The following SLC7A11 variants were observed in gnomAD, a reference collection of about 807,000 sequenced individuals.
SLC7A11 encodes solute carrier family 7 member 11.
A neutral mutation model predicts 54.5 loss-of-function variants in SLC7A11; 35 were observed. That is an observed-to-expected ratio of 0.64 (90% CI 0.49 to 0.85). SLC7A11 has a LOEUF of 0.85. SLC7A11 is among the 40% of genes least tolerant of loss of function. SLC7A11 has a pLI of 0.00. For synonymous variants in SLC7A11, 230 were observed against 225.2 expected (o/e 1.02, Z -0.19); for missense variants, 583 against 618.1 (o/e 0.94, Z 0.60).
chr4:138,173,718 A>C (rs746873666), intron 11 of SLC7A11, among the ~76,000 whole-genome samples: 2 of 151,964 alleles, frequency 1.3e-5, no homozygotes, highest in Non-Finnish European at 2.9e-5. Context: ...TTTACAGTCT[A>C]TATTAATTGT....
intron 1 of SLC7A11, 89 bp from the exon 2 acceptor site, chr4:138,236,540 G>C: frequency 1.6e-6 from 2 of 1,262,748 alleles, no homozygotes; most frequent in South Asian, 3.0e-5. Context: ...TTTATATGTT[G>C]CCTGAGATGT....
intron 5 of SLC7A11, among the ~76,000 whole-genome samples, chr4:138,217,574 G>T (rs1737708843): frequency 6.6e-6 from 1 of 152,184 alleles, no homozygotes; most frequent in South Asian, 2.1e-4. Context: ...GAGGGTAAAA[G>T]AATATTTTAA....
intron 11 of SLC7A11, among the ~76,000 whole-genome samples, chr4:138,172,724 C>CT (rs1326557748): frequency 6.6e-6 from 1 of 152,188 alleles, no homozygotes; most frequent in Non-Finnish European, 1.5e-5. Context: ...AGAAGGAAGT[C>CT]TACCTTTTTT....
chr4:138,189,423 A>G (rs6537201), intron 6 of SLC7A11, among the ~76,000 whole-genome samples: 122,413 of 152,024 alleles, frequency 0.81, 50,501 homozygotes, highest in East Asian at 0.95. Context: ...CCAAGGTCAC[A>G]AAAGTAGTAA....
intron 6 of SLC7A11, 93 bp from the exon 7 acceptor site, chr4:138,185,337 T>C: frequency 7.3e-7 from 1 of 1,366,134 alleles, no homozygotes; most frequent in East Asian, 2.3e-5. Flanking sequence ...ATGAAGAATA[T>C]AATGGTATCT....
intron 1 of SLC7A11, among the ~76,000 whole-genome samples, chr4:138,237,724 TATA>T (rs1738257397): frequency 9.6e-5 from 1 of 10,396 alleles, no homozygotes; most frequent in African/African-American, 3.4e-4. Flanking sequence ...TATATATATA[TATA>T]TATATATATA....
chr4:138,173,480 C>G (rs1560715003), intron 11 of SLC7A11, among the ~76,000 whole-genome samples: 1 of 151,710 alleles, frequency 6.6e-6, no homozygotes, highest in Non-Finnish European at 1.5e-5. Context: ...ACTAAAAATA[C>G]AAAATAAGCT....
chr4:138,214,039 T>C (rs191240211), intron 6 of SLC7A11, among the ~76,000 whole-genome samples: 2 of 152,238 alleles, frequency 1.3e-5, no homozygotes, highest in African/African-American at 4.8e-5. Context: ...CATCAAATCA[T>C]CTACTTATCA....
At chr4:138,227,588 G>A (rs1461316646) in intron 3 of SLC7A11, among the ~76,000 whole-genome samples, 2 of 152,142 alleles carry the variant, frequency 1.3e-5, no homozygotes, top group Admixed American at 6.5e-5. Context: ...TGAGACTCAA[G>A]ATATTGTTTA....
At chr4:138,180,583 G>A in intron 10 of SLC7A11, 58 bp downstream of exon 10, 2 of 1,534,824 alleles carry the variant, frequency 1.3e-6, no homozygotes, top group Non-Finnish European at 1.8e-6. Flanking sequence ...TATGACAAAG[G>A]GAGGACTAGG....
At chr4:138,231,900 T>G (rs2148452844) in intron 3 of SLC7A11, among the ~76,000 whole-genome samples, 1 of 152,290 alleles carries the variant, frequency 6.6e-6, no homozygotes, top group African/African-American at 2.4e-5. Context: ...TACATAAAGG[T>G]AACTCCATGA....
Position 138,166,814 on chromosome 4 carries a change from A to G in SLC7A11, c.*5142T>C, listed in dbSNP as rs1339096240. 1 of 152,180 alleles carries G rather than the reference A, an allele frequency of 6.6e-6. No individual in the cohort carries two copies. The highest frequency in any genetic ancestry group is 2.4e-5 in the African/African-American group (1 of 41,440). 9.4% of individuals were successfully genotyped at this position (152,180 alleles called of 1,614,324 possible). ...GAGAGGAGGGAAAAAAATAACTACCAAGAAAATAAAACTAATGGGTAGATT... is the reference window on the plus strand; with the variant it reads ...GAGAGGAGGGAAAAAAATAACTACCGAGAAAATAAAACTAATGGGTAGATT... On this transcript the variant is annotated 3_prime_UTR_variant, in exon 12 of 12. Coordinates refer to ENST00000280612, the MANE Select transcript of SLC7A11 (RefSeq NM_014331.4).
At chr4:138,186,114 G>A (rs745340012) in intron 6 of SLC7A11, among the ~76,000 whole-genome samples, 5 of 152,130 alleles carry the variant, frequency 3.3e-5, no homozygotes, top group Non-Finnish European at 4.4e-5. Flanking sequence ...AAGCCAGGAA[G>A]TTACTGACCC....
At chr4:138,184,955 A>G (rs1035631350) in intron 7 of SLC7A11, among the ~76,000 whole-genome samples, 166 bp downstream of exon 7, 4 of 152,200 alleles carry the variant, frequency 2.6e-5, no homozygotes, top group African/African-American at 9.6e-5. Flanking sequence ...TATCAGTTAA[A>G]TGGAATATGC....
intron 11 of SLC7A11, among the ~76,000 whole-genome samples, chr4:138,178,964 A>T (rs567844730): frequency 6.6e-6 from 1 of 152,258 alleles, no homozygotes; most frequent in South Asian, 2.1e-4. Context: ...AACTACTGAT[A>T]AAATTTCATC....
chr4:138,182,517 T>C (rs1440978361), intron 8 of SLC7A11, 124 bp from the exon 9 acceptor site: 7 of 621,136 alleles, frequency 1.1e-5, no homozygotes, highest in Non-Finnish European at 2.1e-5. Flanking sequence ...CTTAGGTGAT[T>C]GCCTAAGTTC....
intron 6 of SLC7A11, among the ~76,000 whole-genome samples, chr4:138,199,741 A>G (rs992257097): frequency 2.0e-5 from 3 of 152,132 alleles, no homozygotes; most frequent in Non-Finnish European, 4.4e-5. Context: ...CATAAACTCA[A>G]TGGTTTGAAA....
At chr4:138,224,388 A>G (rs1737889083) in intron 3 of SLC7A11, among the ~76,000 whole-genome samples, 1 of 152,180 alleles carries the variant, frequency 6.6e-6, no homozygotes, top group Non-Finnish European at 1.5e-5. Context: ...TTATAAAGGT[A>G]TATTCTCCCT....
intron 1 of SLC7A11, among the ~76,000 whole-genome samples, chr4:138,238,632 C>G (rs1383484938): frequency 1.3e-5 from 2 of 150,774 alleles, no homozygotes; most frequent in African/African-American, 2.4e-5. Context: ...TAGGGTATCA[C>G]TCTGGCACCT....
Sources: allele counts gnomAD v4.1 joint callset (sites outside exome capture counted in the v4.1 genomes callset), GRCh38; gene constraint gnomAD v4.1.1; transcripts MANE v1.5; gene names NCBI Gene and HGNC (gene_info 2026-07-23, HGNC 2026-07-21).